Variants in WDR12 observed in about 807,000 individuals in gnomAD.
WDR12 encodes the protein WD repeat domain 12.
A neutral mutation model predicts 64.3 loss-of-function variants in WDR12; 42 were observed. The observed-to-expected ratio is 0.65, with a 90% CI of 0.51 to 0.84. The LOEUF is 0.84. Ranked by LOEUF, WDR12 falls within the 40% of genes least tolerant of loss-of-function variation. WDR12 has a pLI of 0.00. For synonymous variants in WDR12, 158 were observed against 173.3 expected (o/e 0.91, Z 0.70); for missense variants, 469 against 494.6 (o/e 0.95, Z 0.49).
chr2:202,894,754 C>A, intron 6 of WDR12, 128 bp from the exon 7 acceptor site: 1 of 707,110 alleles, frequency 1.4e-6, no homozygotes, highest in Non-Finnish European at 2.2e-6. Context: ...TGAAATTAGC[C>A]TTTTTCCAGG....
intron 12 of WDR12, among the ~76,000 whole-genome samples, chr2:202,881,330 G>A (rs1461099079): frequency 2.0e-5 from 3 of 152,082 alleles, no homozygotes; most frequent in Non-Finnish European, 2.9e-5. Context: ...AGAATTCTTA[G>A]GCAGTAAGAG....
rs745864983 is a variant in WDR12 at position 202,911,459 on chromosome 2, T to C, written c.18A>G (p.Thr6=). ...ACTTCTTGTTATCAGTGTAGAAGCGTGTTTGGAGCTGAGCCATGGCGAGGA... is the reference window on the plus strand; with the variant it reads ...ACTTCTTGTTATCAGTGTAGAAGCGCGTTTGGAGCTGAGCCATGGCGAGGA... MAQLQ[T]RFYTDNKKYA... is the part of the protein sequence containing the mutation. Residue 6 remains threonine, a synonymous_variant, in exon 1 of 13, where the codon ACA becomes ACG. Coordinates refer to ENST00000261015, the MANE Select transcript of WDR12 (RefSeq NM_018256.4). 6.2e-7 allele frequency: 1 copy of C among 1,614,118 alleles called. No homozygotes were observed. The highest frequency in any genetic ancestry group is 8.5e-7 in the Non-Finnish European group (1 of 1,180,022).
chr2:202,892,584 A>G, intron 8 of WDR12, 33 bp downstream of exon 8: 3 of 1,504,340 alleles, frequency 2.0e-6, no homozygotes, highest in Non-Finnish European at 1.8e-6. Flanking sequence ...CACAGGCCTA[A>G]GGCAAGTACA....
At chr2:202,902,760 T>G (rs1353446677) in intron 2 of WDR12, among the ~76,000 whole-genome samples, 4 of 152,188 alleles carry the variant, frequency 2.6e-5, no homozygotes, top group African/African-American at 9.7e-5. Context: ...AGACAGCCTA[T>G]CGTAGGACTT....
At position 202,878,759 on chromosome 2, in the gene WDR12, A is replaced by G. The variant is rs1574399757; in HGVS notation, c.*2101T>C. 6.6e-6 allele frequency: 1 copy of G among 152,236 alleles called. No homozygotes were observed. The highest frequency in any genetic ancestry group is 2.4e-5 in the African/African-American group (1 of 41,458). The allele number at this position is 152,236 out of a possible 1,614,324, so 9.4% of individuals were successfully genotyped here. A position where few individuals can be genotyped will look rare whatever the true frequency, so the allele number is the denominator to read the frequency against. ...GGAACATCATTTGAGATGTAATACC[A>G]TCTAATAATGAGACCAAACATATTT... is the stretch of plus-strand genomic sequence containing the variant. On this transcript the variant is annotated 3_prime_UTR_variant, in exon 13 of 13. Transcript: ENST00000261015.
chr2:202,896,335 GAT>G, intron 5 of WDR12, 116 bp from the exon 6 acceptor site: 1 of 1,176,828 alleles, frequency 8.5e-7, no homozygotes, highest in South Asian at 1.7e-5. Context: ...ATGTTAAAAA[GAT>G]AACTCATATG....
Position 202,880,740 on chromosome 2 carries a change from G to T in WDR12, c.*120C>A. The T allele has an allele frequency of 2.9e-6, 2 of 685,054 alleles. No individual in the cohort carries two copies. Among genetic ancestry groups the T allele is most frequent in the Non-Finnish European group, 4.6e-6 (2 of 430,560 alleles). The allele number at this position is 685,054 out of a possible 1,614,324, so 42.4% of individuals were successfully genotyped here. ...AAGTGATACGTTAGCTGTTATGAAG[G>T]GTGAAAACATTATATAAACTTCAAA... On this transcript the variant is annotated 3_prime_UTR_variant, in exon 13 of 13. Coordinates refer to ENST00000261015, the MANE Select transcript of WDR12 (RefSeq NM_018256.4).
intron 8 of WDR12, among the ~76,000 whole-genome samples, chr2:202,889,827 G>A (rs1052156154): frequency 2.0e-5 from 3 of 152,004 alleles, no homozygotes; most frequent in Non-Finnish European, 2.9e-5. Context: ...GAGGCGTGAG[G>A]ATTGTGTGAG....
chr2:202,890,595 C>G (rs1050784006), intron 8 of WDR12, among the ~76,000 whole-genome samples: 3 of 151,494 alleles, frequency 2.0e-5, no homozygotes, highest in African/African-American at 7.3e-5. Context: ...GGGTGAAACC[C>G]CGTCTCTACA....
At chr2:202,883,820 A>C in intron 10 of WDR12, 79 bp from the exon 11 acceptor site, 2 of 1,266,196 alleles carry the variant, frequency 1.6e-6, no homozygotes, top group South Asian at 2.7e-5. Context: ...TATTTGTAGA[A>C]ATTTTTTTTT....
intron 1 of WDR12, among the ~76,000 whole-genome samples, chr2:202,908,674 T>A (rs1170087814): frequency 6.6e-6 from 1 of 152,222 alleles, no homozygotes; most frequent in Admixed American, 6.5e-5. Context: ...TTCTTTTTTG[T>A]GGGTAATGAA....
rs1687925176 is a variant in WDR12 at position 202,880,198 on chromosome 2, C to A, written c.*662G>T. 6.6e-6 allele frequency: 1 copy of A among 152,120 alleles called. No individual in the cohort carries two copies. Among genetic ancestry groups the A allele is most frequent in the Non-Finnish European group, 1.5e-5 (1 of 68,022 alleles). 9.4% of individuals were successfully genotyped at this position (152,120 alleles called of 1,614,324 possible). Reference sequence around the variant, plus strand: ...ATAGCTAACTTAAAAAAATCTAAGTCTCTAACAGAAATAAAAATCTCAACA... The same window carrying A: ...ATAGCTAACTTAAAAAAATCTAAGTATCTAACAGAAATAAAAATCTCAACA... On this transcript the variant is annotated 3_prime_UTR_variant, in exon 13 of 13. Transcript: ENST00000261015.
intron 7 of WDR12, among the ~76,000 whole-genome samples, chr2:202,893,670 G>A (rs1221237273): frequency 6.6e-6 from 1 of 152,078 alleles, no homozygotes; most frequent in Non-Finnish European, 1.5e-5. Context: ...GAGGTATTCT[G>A]ATTTGTTTAC....
intron 8 of WDR12, among the ~76,000 whole-genome samples, chr2:202,887,152 TA>T (rs1688062132): frequency 6.6e-6 from 1 of 152,068 alleles, no homozygotes; most frequent in Non-Finnish European, 1.5e-5. Context: ...GCCTCCCAAG[TA>T]GCTGGGATTA....
chr2:202,886,703 G>C (rs945659640), intron 8 of WDR12, among the ~76,000 whole-genome samples: 1 of 142,378 alleles, frequency 7.0e-6, no homozygotes, highest in African/African-American at 2.6e-5. Context: ...GGAAGCAAAG[G>C]TTGCAGTGAG....
chr2:202,889,410 A>G (rs1047052444), intron 8 of WDR12, among the ~76,000 whole-genome samples: 1 of 152,190 alleles, frequency 6.6e-6, no homozygotes, highest in Non-Finnish European at 1.5e-5. Context: ...CAACACTTTT[A>G]AAAAATGGGC....
chr2:202,897,888 C>CAAAAAAAA (rs10637220), intron 4 of WDR12, among the ~76,000 whole-genome samples: 59 of 74,184 alleles, frequency 8.0e-4, no homozygotes, highest in Non-Finnish European at 1.2e-3. Context: ...GACTCCGTTT[C>CAAAAAAAA]AAAAAAAAAA....
Position 202,897,398 on chromosome 2 carries a change from T to G in WDR12, c.356A>C (p.Tyr119Ser). 3 of 1,579,348 alleles carry G rather than the reference T, an allele frequency of 1.9e-6. No individual in the cohort carries two copies. The highest frequency in any genetic ancestry group is 2.6e-6 in the Non-Finnish European group (3 of 1,166,096). Reference protein sequence around the residue: ...GAEEWILTGSYDKTSRIWSLE... With the variant: ...GAEEWILTGSSDKTSRIWSLE... ...GGACCAGATCCGAGAAGTCTTATCA[T>G]AAGAACCAGTCAAGATCCTATGAGA... The change falls in exon 5 of 13, where the codon TAT becomes TCT. Residue 119 changes from tyrosine (Y) to serine (S), a missense_variant. Transcript: ENST00000261015.
chr2:202,904,329 G>GA (rs898784055), intron 2 of WDR12, among the ~76,000 whole-genome samples: 134 of 144,332 alleles, frequency 9.3e-4, no homozygotes, highest in Non-Finnish European at 1.4e-3. Context: ...ATTCTTCACA[G>GA]AAAAAAAAAA....
Sources: allele counts gnomAD v4.1 joint callset (sites outside exome capture counted in the v4.1 genomes callset), GRCh38; gene constraint gnomAD v4.1.1; transcripts MANE v1.5; gene names NCBI Gene and HGNC (gene_info 2026-07-23, HGNC 2026-07-21).